Variants in IGSF3 observed in about 807,000 individuals in gnomAD.
IGSF3 encodes the protein immunoglobulin superfamily member 3, also known as glu-Trp-Ile EWI motif-containing protein 3.
IGSF3 carries 23 observed loss-of-function variants against 114.4 expected under a neutral mutation model. The ratio of observed to expected loss-of-function variants is 0.20; its 90% confidence interval spans 0.14 to 0.28. The LOEUF is 0.28. IGSF3 is among the 10% of genes least tolerant of loss of function. The pLI is 1.00. For synonymous variants in IGSF3, 571 were observed against 645.2 expected (o/e 0.88, Z 1.74); for missense variants, 1,172 against 1,591.5 (o/e 0.74, Z 4.48).
At position 116,666,423 on chromosome 1, in the gene IGSF3, G is replaced by T; in HGVS notation, c.-97C>A. 2 of 1,150,952 alleles carry T rather than the reference G, an allele frequency of 1.7e-6. No homozygotes were observed. Among genetic ancestry groups the T allele is most frequent in the East Asian group, 2.3e-5 (1 of 42,792 alleles). The allele number at this position is 1,150,952 out of a possible 1,614,324, so 71.3% of individuals were successfully genotyped here. A position where few individuals can be genotyped will look rare whatever the true frequency, so the allele number is the denominator to read the frequency against. On this transcript the variant is annotated 5_prime_UTR_variant, in exon 2 of 11. The change creates a new upstream start codon in the 5' untranslated region. Transcript: ENST00000369486. The stretch of plus-strand genomic sequence containing the variant: ...AATCCACTTATAGCTCCAGAGAACA[G>T]TTTTGGAAATAGAACTTAACTCGGA...
Position 116,616,608 on chromosome 1 carries a change from T to C in IGSF3, c.44-151A>G. The C allele has an allele frequency of 1.6e-6, 1 of 613,234 alleles. No individual in the cohort carries two copies. The highest frequency in any genetic ancestry group is 2.8e-6 in the Non-Finnish European group (1 of 358,124). The allele number at this position is 613,234 out of a possible 1,614,324, so 38.0% of individuals were successfully genotyped here. A position where few individuals can be genotyped will look rare whatever the true frequency, so the allele number is the denominator to read the frequency against. On this transcript the variant is annotated intron_variant, in intron 2 of 10. Transcript: ENST00000369486. This position sits in a 1 kb window ranked among gnomAD's most constrained non-coding sequence, Gnocchi z 6.6. The stretch of plus-strand genomic sequence containing the variant: ...CCTTTCAAAGGCGCTTTGTGATTTA[T>C]AAATATTAATTAAAACACTCTGTGG...
intron 5 of IGSF3, chr1:116,606,356 G>C (rs1660792358): frequency 9.1e-7 from 1 of 1,102,528 alleles, no homozygotes; most frequent in African/African-American, 1.6e-5. Context: ...CCTCTACGAG[G>C]ATTTGAGAGG....
intron 5 of IGSF3, chr1:116,606,359 T>C (rs768676075): frequency 1.8e-6 from 2 of 1,141,856 alleles, no homozygotes; most frequent in Admixed American, 2.5e-5. Context: ...CTACGAGGAT[T>C]TGAGAGGTGG....
At position 116,605,123 on chromosome 1, in the gene IGSF3, A is replaced by C. The variant is rs1410013889; in HGVS notation, c.1223-1098T>G. Among the ~76,000 whole-genome samples the C allele has an allele frequency of 6.6e-6, 1 of 152,144 alleles. No individual in the cohort carries two copies. The highest frequency in any genetic ancestry group is 1.5e-5 in the Non-Finnish European group (1 of 68,034). ...GAGTTCAGAAGGTCTGTAAGTATTA[A>C]AGAACACAAAGTAACTAATTTGGCT... On this transcript the variant is annotated intron_variant, in intron 5 of 10. Coordinates refer to ENST00000369486, the MANE Select transcript of IGSF3 (RefSeq NM_001007237.3). This position sits in a 1 kb window ranked among gnomAD's most constrained non-coding sequence, Gnocchi z 5.1.
rs1442989826 is a variant in IGSF3, at chr1:116,583,729, T to C, written c.2848+916A>G. 6.6e-6 allele frequency among the ~76,000 whole-genome samples: 1 copy of C among 152,258 alleles called. No homozygotes were observed. Among genetic ancestry groups the C allele is most frequent in the Non-Finnish European group, 1.5e-5 (1 of 68,046 alleles). On this transcript the variant is annotated intron_variant, in intron 9 of 10. Coordinates refer to ENST00000369486, the MANE Select transcript of IGSF3 (RefSeq NM_001007237.3). This position sits in a 1 kb window ranked among gnomAD's most constrained non-coding sequence, Gnocchi z 4.5. Reference sequence around the variant, plus strand: ...TCATTCTAATATGAATGGATGATGCTGTGATGTTGCAAAGGACATGGGAAT... The same window carrying C: ...TCATTCTAATATGAATGGATGATGCCGTGATGTTGCAAAGGACATGGGAAT...
At position 116,634,138 on chromosome 1, in the gene IGSF3, ACAT is replaced by A. The variant is rs1455843182; in HGVS notation, c.44-17684_44-17682del. ...GAAGCAGACTTAATTTGCACTGTGTACATCCTTCGGTATCCTTTTTAATTGAAC... is the reference window on the plus strand; with the variant it reads ...GAAGCAGACTTAATTTGCACTGTGTACCTTCGGTATCCTTTTTAATTGAAC... On this transcript the variant is annotated intron_variant, in intron 2 of 10. Transcript: ENST00000369486. This position sits in a 1 kb window ranked among gnomAD's most constrained non-coding sequence, Gnocchi z 4.2. 6.6e-6 allele frequency among the ~76,000 whole-genome samples: 1 copy of A among 152,274 alleles called. No homozygotes were observed. Among genetic ancestry groups the A allele is most frequent in the Non-Finnish European group, 1.5e-5 (1 of 68,052 alleles).
chr1:116,613,917 G>A lies in IGSF3; in HGVS notation c.680C>T (p.Thr227Ile), dbSNP rs1181185062. Reference sequence around the variant, plus strand: ...GTGGAAGATGGTGAGGCGGAAGGTGGTCCTCCCCAGCTTGTCCAGCCGCAC... The same window carrying A: ...GTGGAAGATGGTGAGGCGGAAGGTGATCCTCCCCAGCTTGTCCAGCCGCAC... ...GEVRLDKLGR[T>I]TFRLTIFHLQ... Residue 227 changes from threonine to isoleucine, a missense_variant, in exon 4 of 11, where the codon ACC becomes ATC. Physicochemically the swap from Thr to Ile is moderately conservative, Grantham distance 89. Around this residue, in one of 3 missense-constraint regions of IGSF3, gnomAD observed 736 missense variants for 1,042.0 expected, o/e 0.71. Transcript: ENST00000369486. The A allele has an allele frequency of 8.1e-6, 13 of 1,613,858 alleles. No homozygotes were observed. The highest frequency in any genetic ancestry group is 1.0e-5 in the Non-Finnish European group (12 of 1,179,840).
intron 2 of IGSF3, among the ~76,000 whole-genome samples, chr1:116,640,473 A>G (rs1648040011): frequency 6.6e-6 from 1 of 152,202 alleles, no homozygotes; most frequent in Non-Finnish European, 1.5e-5. Context: ...TTTACTACCT[A>G]TGTATGTAGC....
intron 2 of IGSF3, among the ~76,000 whole-genome samples, chr1:116,641,852 CTTT>C (rs879719145): frequency 2.1e-5 from 3 of 143,442 alleles, no homozygotes; most frequent in Non-Finnish European, 1.5e-5. Context: ...AGATTTCTTT[CTTT>C]TTTTTTTTTT....
chr1:116,656,791 G>A (rs1196652319), intron 2 of IGSF3, among the ~76,000 whole-genome samples: 2 of 152,044 alleles, frequency 1.3e-5, no homozygotes, highest in Non-Finnish European at 2.9e-5. Flanking sequence ...AGCCGGGCGT[G>A]GTGGAGGGCA....
In IGSF3 at chr1:116,584,883, C is replaced by T. The variant is rs779306482; in HGVS notation, c.2610G>A (p.Leu870=). The T allele has an allele frequency of 3.7e-6, 6 of 1,614,224 alleles. No individual in the cohort carries two copies. Among genetic ancestry groups the T allele is most frequent in the Non-Finnish European group, 5.1e-6 (6 of 1,180,040 alleles). ...NHPERETVAR[L]SRDATFHYGE... Reference sequence around the variant, plus strand: ...CATAGTGGAAGGTGGCGTCACGGCTCAAGCGGGCCACAGTCTCCCGCTCAG... The same window carrying T: ...CATAGTGGAAGGTGGCGTCACGGCTTAAGCGGGCCACAGTCTCCCGCTCAG... Residue 870 remains leucine (L), a synonymous_variant, in exon 9 of 11, where the codon TTG becomes TTA. Transcript: ENST00000369486. This position sits in a 1 kb window ranked among gnomAD's most constrained non-coding sequence, Gnocchi z 5.8.
At position 116,579,473 on chromosome 1, in the gene IGSF3, A is replaced by T; in HGVS notation, c.3253T>A (p.Trp1085Arg). 6.2e-7 allele frequency: 1 copy of T among 1,613,152 alleles called. No homozygotes were observed. The highest frequency in any genetic ancestry group is 8.5e-7 in the Non-Finnish European group (1 of 1,179,704). ...TGNYSCHVEE[W>R]LPSPQKEWYR... Reference sequence around the variant, plus strand: ...CATTCCTTCTGAGGGCTGGGCAGCCACTCCTCCACATGGCAGGAGTAATTG... The same window carrying T: ...CATTCCTTCTGAGGGCTGGGCAGCCTCTCCTCCACATGGCAGGAGTAATTG... The change falls in exon 10 of 11, where the codon TGG (tryptophan) becomes AGG (arginine). Residue 1085 changes from tryptophan to arginine, a missense_variant. Coordinates refer to ENST00000369486, the MANE Select transcript of IGSF3 (RefSeq NM_001007237.3). The surrounding 1 kb of genome is among the most constrained non-coding windows in gnomAD (Gnocchi z 6.4).
chr1:116,650,528 G>A lies in IGSF3; in HGVS notation c.43+15756C>T, dbSNP rs1340974844. Among the ~76,000 whole-genome samples the A allele has an allele frequency of 6.6e-6, 1 of 152,186 alleles. No individual in the cohort carries two copies. Among genetic ancestry groups the A allele is most frequent in the Non-Finnish European group, 1.5e-5 (1 of 68,034 alleles). On this transcript the variant is annotated intron_variant, in intron 2 of 10. Transcript: ENST00000369486. This position sits in a 1 kb window ranked among gnomAD's most constrained non-coding sequence, Gnocchi z 5.0. ...CAGCTCAATCAGCACGTACCCTAGA[G>A]CTGGAGGCAGGGTCACCTTTCCTTG...
intron 2 of IGSF3, among the ~76,000 whole-genome samples, chr1:116,646,605 C>T (rs1415444453): frequency 6.6e-6 from 1 of 152,120 alleles, no homozygotes; most frequent in Non-Finnish European, 1.5e-5. Flanking sequence ...GAGGGAGAAT[C>T]GAGTGAGTTG....
Position 116,588,907 on chromosome 1 carries a change from T to C in IGSF3, c.2227A>G (p.Thr743Ala). ...CTCAGGCCCTCCTCCTCGGCGTAAG[T>C]ACCGTATTCAAAGGCGGAGTTGTGG... ...TTHNSAFEYG[T>A]YAEEEGLRAR... is the part of the protein sequence containing the mutation. Residue 743 changes from threonine (T) to alanine (A), a missense_variant, in exon 8 of 11, where the codon ACT becomes GCT. Thr to Ala is a moderately conservative substitution (Grantham distance 58). Transcript: ENST00000369486. The surrounding 1 kb of genome is among the most constrained non-coding windows in gnomAD (Gnocchi z 4.9). The C allele has an allele frequency of 6.2e-7, 1 of 1,614,158 alleles. No individual in the cohort carries two copies. Among genetic ancestry groups the C allele is most frequent in the Non-Finnish European group, 8.5e-7 (1 of 1,180,022 alleles).
rs1354943656 is a variant in IGSF3, at chr1:116,579,300, CTGTT to C, written c.3334+88_3334+91del. 14 of 1,457,592 alleles carry C rather than the reference CTGTT, an allele frequency of 9.6e-6. No homozygotes were observed. The African/African-American group carries it at 1.7e-4, about 18-fold the overall frequency. 90.3% of individuals were successfully genotyped at this position (1,457,592 alleles called of 1,614,324 possible). A position where few individuals can be genotyped will look rare whatever the true frequency, so the allele number is the denominator to read the frequency against. On this transcript the variant is annotated intron_variant, in intron 10 of 10. Coordinates refer to ENST00000369486, the MANE Select transcript of IGSF3 (RefSeq NM_001007237.3). The surrounding 1 kb of genome is among the most constrained non-coding windows in gnomAD (Gnocchi z 6.4). ...TAAATGCCCATGACAGTTAAGAAAACTGTTTATTAACCCATAATCAAGCTCAAAT... is the reference window on the plus strand; with the variant it reads ...TAAATGCCCATGACAGTTAAGAAAACTATTAACCCATAATCAAGCTCAAAT...
chr1:116,655,056 A>G lies in IGSF3; in HGVS notation c.43+11228T>C, dbSNP rs1387370050. 6.6e-6 allele frequency among the ~76,000 whole-genome samples: 1 copy of G among 152,240 alleles called. No homozygotes were observed. Among genetic ancestry groups the G allele is most frequent in the East Asian group, 1.9e-4 (1 of 5,206 alleles). On this transcript the variant is annotated intron_variant, in intron 2 of 10. Coordinates refer to ENST00000369486, the MANE Select transcript of IGSF3 (RefSeq NM_001007237.3). The surrounding 1 kb of genome is among the most constrained non-coding windows in gnomAD (Gnocchi z 4.3). ...AAGATGTACCTTAGGAATAAAAAAG[A>G]GTTCCCCAATGTCACAGTGTATTTA...
At position 116,600,536 on chromosome 1, in the gene IGSF3, A is replaced by G. The variant is rs1355885758; in HGVS notation, c.1625-191T>C. ...CCAGTCCAAGAGTTTCCAAGACTCC[A>G]AAGAAAGGCCCACCACAATTCCCCC... On this transcript the variant is annotated intron_variant, in intron 6 of 10. Coordinates refer to ENST00000369486, the MANE Select transcript of IGSF3 (RefSeq NM_001007237.3). This position sits in a 1 kb window ranked among gnomAD's most constrained non-coding sequence, Gnocchi z 5.5. 6.6e-6 allele frequency among the ~76,000 whole-genome samples: 1 copy of G among 151,846 alleles called. No individual in the cohort carries two copies. Among genetic ancestry groups the G allele is most frequent in the Admixed American group, 6.5e-5 (1 of 15,276 alleles).
rs1240414374 is a variant in IGSF3 at position 116,624,699 on chromosome 1, T to C, written c.44-8242A>G. 6.6e-6 allele frequency among the ~76,000 whole-genome samples: 1 copy of C among 152,230 alleles called. No homozygotes were observed. The highest frequency in any genetic ancestry group is 1.5e-5 in the Non-Finnish European group (1 of 68,038). On this transcript the variant is annotated intron_variant, in intron 2 of 10. Coordinates refer to ENST00000369486, the MANE Select transcript of IGSF3 (RefSeq NM_001007237.3). The surrounding 1 kb of genome is among the most constrained non-coding windows in gnomAD (Gnocchi z 4.9). ...AGAATAATTCCCTTCTCTGTGTATC[T>C]GGGCAGGAAGTCACTGTGTGGCTTC...
Sources: gnomAD v4.1 joint callset for allele counts (sites outside exome capture counted in the v4.1 genomes callset) on GRCh38, gnomAD v4.1.1 for gene constraint, gnomAD v4.1.1 regional missense constraint, Gnocchi (gnomAD v3.1) non-coding constraint, MANE v1.5 for transcripts, NCBI Gene and HGNC (gene_info 2026-07-23, HGNC 2026-07-21) for gene names.